NUP98: variants seen among roughly 807,000 people sequenced by gnomAD.
NUP98 encodes nuclear pore complex protein Nup98-Nup96.
A neutral mutation model predicts 191.9 loss-of-function variants in NUP98; 26 were observed. That is an observed-to-expected ratio of 0.14 (90% confidence interval 0.10 to 0.19). The LOEUF (loss-of-function observed/expected upper bound fraction) is 0.19, where lower values mean the gene tolerates loss of function less well. NUP98 is among the 10% of genes least tolerant of loss of function. The pLI is 1.00. For missense variants in NUP98, 1,941 were observed against 2,178.8 expected (o/e 0.89, Z 2.17); for synonymous variants, 808 against 778.4 (o/e 1.04, Z -0.63).
At chr11:3,693,582 A>G (rs564303499) in intron 26 of NUP98, among the ~76,000 whole-genome samples, 3 of 152,230 alleles carry the variant, frequency 2.0e-5, no homozygotes, top group Non-Finnish European at 2.9e-5. Context: ...CGATTGATAC[A>G]GAGTTGCACT....
At chr11:3,744,837 G>A (rs924131321) in intron 11 of NUP98, among the ~76,000 whole-genome samples, 188 bp from the exon 12 acceptor site, 1 of 152,252 alleles carries the variant, frequency 6.6e-6, no homozygotes, top group Non-Finnish European at 1.5e-5. Flanking sequence ...CACATCATAG[G>A]TAAAATACTT....
chr11:3,747,696 A>C (rs1161525366), intron 11 of NUP98, among the ~76,000 whole-genome samples: 1 of 152,216 alleles, frequency 6.6e-6, no homozygotes, highest in Non-Finnish European at 1.5e-5. Flanking sequence ...AAACGCCCAC[A>C]TTACAGGAGG....
chr11:3,688,393 G>A (rs1029159969), intron 28 of NUP98, among the ~76,000 whole-genome samples: 7 of 151,720 alleles, frequency 4.6e-5, no homozygotes, highest in Admixed American at 1.3e-4. Context: ...GCGACAGAGC[G>A]AGACTCCATC....
intron 1 of NUP98, among the ~76,000 whole-genome samples, chr11:3,794,681 A>G (rs2082470496): frequency 6.6e-6 from 1 of 152,140 alleles, no homozygotes; most frequent in Non-Finnish European, 1.5e-5. Flanking sequence ...CAGTGGTGCA[A>G]TCACAGCACT....
chr11:3,754,282 C>T (rs749326273), intron 10 of NUP98, among the ~76,000 whole-genome samples: 6 of 152,032 alleles, frequency 3.9e-5, no homozygotes, highest in East Asian at 1.9e-4. Context: ...CAAAATTAGC[C>T]GGGCATGATG....
intron 5 of NUP98, 104 bp downstream of exon 5, chr11:3,775,778 A>T: frequency 9.7e-7 from 1 of 1,036,050 alleles, no homozygotes; most frequent in Non-Finnish European, 1.5e-6. Context: ...TCGTTCAGGC[A>T]GTGTCAAGCT....
At position 3,712,608 on chromosome 11, in the gene NUP98, G is replaced by A. The variant is rs61756123; in HGVS notation, c.2698C>T (p.Pro900Ser). 2.7e-5 allele frequency: 43 copies of A among 1,613,954 alleles called. No individual in the cohort carries two copies. Among genetic ancestry groups the A allele is most frequent in the Non-Finnish European group, 3.5e-5 (41 of 1,180,022 alleles). ...APLPPASQTT[P>S]LQMALNGKPA... ...TTGCCATTAAGAGCCATCTGCAAGGGCGTAGTCTGGCTTGCAGGAGGCAAA... is the reference window on the plus strand; with the variant it reads ...TTGCCATTAAGAGCCATCTGCAAGGACGTAGTCTGGCTTGCAGGAGGCAAA... Residue 900 changes from proline (P) to serine (S), a missense_variant, in exon 20 of 33, where the codon CCC becomes TCC. Pro to Ser is a moderately conservative substitution (Grantham distance 74). This residue lies in a region of NUP98 where 1,030 missense variants were observed against 1,115.8 expected (regional missense o/e 0.92). Transcript: ENST00000324932.
chr11:3,765,333 T>G (rs1170203931), intron 8 of NUP98, among the ~76,000 whole-genome samples: 1 of 152,232 alleles, frequency 6.6e-6, no homozygotes, highest in African/African-American at 2.4e-5. Context: ...CCTGAGTAGC[T>G]GGGATGACAA....
chr11:3,791,746 G>C (rs1448736979), intron 1 of NUP98, among the ~76,000 whole-genome samples: 1 of 151,268 alleles, frequency 6.6e-6, no homozygotes, highest in African/African-American at 2.4e-5. Context: ...AGGAGGCTGA[G>C]GCAGGAGAAT....
chr11:3,721,508 G>C (rs2079399840), intron 16 of NUP98, among the ~76,000 whole-genome samples: 1 of 152,104 alleles, frequency 6.6e-6, no homozygotes, highest in Admixed American at 6.6e-5. Context: ...GACAAGCCTG[G>C]CTAACATGGC....
chr11:3,766,004 C>G (rs1453342844), intron 8 of NUP98, among the ~76,000 whole-genome samples: 1 of 152,086 alleles, frequency 6.6e-6, no homozygotes, highest in Non-Finnish European at 1.5e-5. Context: ...TTTCTGGACT[C>G]TCACTTCTAT....
chr11:3,746,678 C>G (rs547368422), intron 11 of NUP98, among the ~76,000 whole-genome samples: 1 of 151,662 alleles, frequency 6.6e-6, no homozygotes, highest in Non-Finnish European at 1.5e-5. Flanking sequence ...TGTGGGAAGC[C>G]GAGGAGGGCA....
At chr11:3,793,806 A>G (rs1382726359) in intron 1 of NUP98, among the ~76,000 whole-genome samples, 1 of 151,808 alleles carries the variant, frequency 6.6e-6, no homozygotes, top group African/African-American at 2.4e-5. Flanking sequence ...GCCTGTCTCT[A>G]CTAAAAATAC....
intron 26 of NUP98, among the ~76,000 whole-genome samples, chr11:3,695,163 A>G (rs1470953494): frequency 6.6e-6 from 1 of 152,200 alleles, no homozygotes; most frequent in Non-Finnish European, 1.5e-5. Flanking sequence ...ACCCTATCTC[A>G]AAAAAATTAA....
At chr11:3,721,767 C>A (rs1378195352) in intron 16 of NUP98, among the ~76,000 whole-genome samples, 1 of 151,634 alleles carries the variant, frequency 6.6e-6, no homozygotes, top group East Asian at 1.9e-4. Flanking sequence ...AAAAAAATAC[C>A]AAAATAAAAA....
At chr11:3,744,348 G>C (rs2080407195) in intron 12 of NUP98, among the ~76,000 whole-genome samples, 161 bp downstream of exon 12, 1 of 152,282 alleles carries the variant, frequency 6.6e-6, no homozygotes, top group South Asian at 2.1e-4. Flanking sequence ...AAGCAGAGTA[G>C]GCCAGGATCT....
At chr11:3,743,143 T>C (rs1371290931) in intron 12 of NUP98, among the ~76,000 whole-genome samples, 1 of 151,752 alleles carries the variant, frequency 6.6e-6, no homozygotes, top group Non-Finnish European at 1.5e-5. Flanking sequence ...CTCAGCCTCC[T>C]GAGTACCTAG....
intron 8 of NUP98, among the ~76,000 whole-genome samples, chr11:3,766,231 T>C (rs2081334360): frequency 6.6e-6 from 1 of 151,982 alleles, no homozygotes; most frequent in African/African-American, 2.4e-5. Context: ...AAAAATTAGC[T>C]GGACATGGTG....
At chr11:3,750,099 T>TG (rs2080686602) in intron 11 of NUP98, among the ~76,000 whole-genome samples, 1 of 152,208 alleles carries the variant, frequency 6.6e-6, no homozygotes. Flanking sequence ...GGTATATGTA[T>TG]GATGTGTGTA....
Sources: allele counts gnomAD v4.1 joint callset (sites outside exome capture counted in the v4.1 genomes callset), GRCh38; gene constraint gnomAD v4.1.1; regional missense constraint gnomAD v4.1.1; transcripts MANE v1.5; gene names NCBI Gene and HGNC (gene_info 2026-07-23, HGNC 2026-07-21).